The following RAB3C variants were observed in gnomAD, a reference collection of about 807,000 sequenced individuals.
RAB3C encodes the protein RAB3C, member RAS oncogene family.
Under a neutral mutation model 26.4 loss-of-function variants are expected in RAB3C, and 17 were observed. The ratio of observed to expected loss-of-function variants is 0.64; its 90% CI spans 0.44 to 0.97. The LOEUF (loss-of-function observed/expected upper bound fraction) is 0.97. RAB3C is among the 50% of genes least tolerant of loss of function. RAB3C has a pLI of 0.00. For missense variants in RAB3C, 242 were observed against 281.9 expected (o/e 0.86, Z 1.01); for synonymous variants, 91 against 95.9 (o/e 0.95, Z 0.30).
chr5:58,764,215 T>A (rs1055795619), intron 3 of RAB3C, among the ~76,000 whole-genome samples: 1 of 152,208 alleles, frequency 6.6e-6, no homozygotes, highest in Non-Finnish European at 1.5e-5. Flanking sequence ...GAGGTCTACA[T>A]GCGTCACCTT....
chr5:58,713,066 T>C (rs933764720), intron 2 of RAB3C, among the ~76,000 whole-genome samples: 1 of 152,106 alleles, frequency 6.6e-6, no homozygotes, highest in Non-Finnish European at 1.5e-5. Flanking sequence ...TGGAGCCAAA[T>C]AAAAAGTAGC....
chr5:58,763,068 T>G (rs995363456), intron 3 of RAB3C, among the ~76,000 whole-genome samples: 1 of 152,180 alleles, frequency 6.6e-6, no homozygotes, highest in African/African-American at 2.4e-5. Flanking sequence ...AGGGAAAAAG[T>G]AAATTAAATT....
intron 2 of RAB3C, among the ~76,000 whole-genome samples, chr5:58,683,328 T>C (rs921917372): frequency 2.0e-5 from 3 of 152,206 alleles, no homozygotes; most frequent in African/African-American, 7.2e-5. Context: ...CTTTTCCTCC[T>C]GGTCTGCAAT....
intron 3 of RAB3C, among the ~76,000 whole-genome samples, chr5:58,739,559 T>A (rs751055184): frequency 6.6e-5 from 10 of 151,976 alleles, no homozygotes. Flanking sequence ...AAAAAAAAAT[T>A]AGAAAAAACA....
Position 58,708,969 on chromosome 5 carries a change from T to C in RAB3C, c.253-17033T>C, listed in dbSNP as rs148360992. On this transcript the variant is annotated intron_variant, in intron 2 of 4. Transcript: ENST00000282878. ...AATTTAAAATGTCAATGTACAGATG[T>C]ATGCTATATAGCATATACTTGCTTG... 2.7e-3 allele frequency among the ~76,000 whole-genome samples: 419 copies of C among 152,366 alleles called. 2 individuals carry two copies. Among genetic ancestry groups the C allele is most frequent in the African/African-American group, 9.3e-3 (388 of 41,584 alleles).
intron 1 of RAB3C, among the ~76,000 whole-genome samples, chr5:58,611,912 G>A (rs56383205): frequency 0.021 from 3,200 of 152,094 alleles, 112 homozygotes; most frequent in African/African-American, 0.073. Context: ...TTTGTATATC[G>A]TGTAAGGAAG....
At chr5:58,808,102 GT>G in intron 3 of RAB3C, among the ~76,000 whole-genome samples, 1 of 151,624 alleles carries the variant, frequency 6.6e-6, no homozygotes, top group East Asian at 2.0e-4. Flanking sequence ...GTGGGCGCCT[GT>G]AGTCCCAGTT....
intron 2 of RAB3C, among the ~76,000 whole-genome samples, chr5:58,649,861 C>A (rs1207450585): frequency 1.3e-5 from 2 of 152,200 alleles, no homozygotes; most frequent in Non-Finnish European, 2.9e-5. Context: ...CCATCACAGA[C>A]AGCACATTTG....
chr5:58,679,494 CTT>C (rs1025815418), intron 2 of RAB3C, among the ~76,000 whole-genome samples: 4 of 152,146 alleles, frequency 2.6e-5, no homozygotes, highest in Middle Eastern at 3.2e-3. Context: ...AAGCCTGTGT[CTT>C]TATCTAGAAC....
intron 3 of RAB3C, among the ~76,000 whole-genome samples, chr5:58,789,280 C>T (rs1175777139): frequency 6.6e-6 from 1 of 152,042 alleles, no homozygotes; most frequent in Non-Finnish European, 1.5e-5. Context: ...TATTATTAAA[C>T]CCTGACAGTG....
intron 2 of RAB3C, chr5:58,647,596 T>C (rs1324088870): frequency 1.3e-5 from 2 of 152,182 alleles, no homozygotes; most frequent in African/African-American, 4.8e-5. Flanking sequence ...TTTAATAAAC[T>C]GAATAATCAT....
intron 3 of RAB3C, among the ~76,000 whole-genome samples, chr5:58,729,533 G>A (rs975087273): frequency 6.6e-6 from 1 of 151,258 alleles, no homozygotes; most frequent in Non-Finnish European, 1.5e-5. Context: ...CTTATTTTAC[G>A]TAACATACTG....
At chr5:58,638,548 C>T (rs1448973212) in intron 2 of RAB3C, among the ~76,000 whole-genome samples, 3 of 151,886 alleles carry the variant, frequency 2.0e-5, no homozygotes, top group Admixed American at 6.6e-5. Flanking sequence ...TTCTAAAGTC[C>T]GTGTTATTTT....
At chr5:58,800,281 C>T (rs1241386935) in intron 3 of RAB3C, among the ~76,000 whole-genome samples, 1 of 152,198 alleles carries the variant, frequency 6.6e-6, no homozygotes, top group African/African-American at 2.4e-5. Flanking sequence ...TTGCACCCTA[C>T]ATTTAGTTTT....
intron 4 of RAB3C, among the ~76,000 whole-genome samples, chr5:58,836,802 T>C (rs1743757427): frequency 6.6e-6 from 1 of 152,230 alleles, no homozygotes; most frequent in Admixed American, 6.5e-5. Flanking sequence ...CTTAGGTTGA[T>C]TCCATATCTT....
intron 2 of RAB3C, among the ~76,000 whole-genome samples, chr5:58,639,678 G>A (rs1018266870): frequency 6.6e-6 from 1 of 152,092 alleles, no homozygotes; most frequent in Non-Finnish European, 1.5e-5. Context: ...TGAATTTTGG[G>A]AGAACACAAA....
intron 2 of RAB3C, among the ~76,000 whole-genome samples, chr5:58,661,720 T>C (rs1434736385): frequency 2.0e-5 from 3 of 147,984 alleles, no homozygotes; most frequent in Non-Finnish European, 4.4e-5. Context: ...ACTGAATCCA[T>C]TAACCCTATT....
chr5:58,845,483 G>T (rs905262332), intron 4 of RAB3C, among the ~76,000 whole-genome samples: 2 of 151,394 alleles, frequency 1.3e-5, no homozygotes, highest in Non-Finnish European at 2.9e-5. Context: ...CCATTTTGTG[G>T]TAGGGGATTC....
At chr5:58,775,384 C>A (rs1742108006) in intron 3 of RAB3C, among the ~76,000 whole-genome samples, 1 of 152,070 alleles carries the variant, frequency 6.6e-6, no homozygotes, top group Non-Finnish European at 1.5e-5. Flanking sequence ...AAAAGTAACA[C>A]CACGTAAGAA....
Sources: allele counts gnomAD v4.1 joint callset (sites outside exome capture counted in the v4.1 genomes callset), GRCh38; gene constraint gnomAD v4.1.1; transcripts MANE v1.5; gene names NCBI Gene and HGNC (gene_info 2026-07-23, HGNC 2026-07-21).